NAPA: variants seen among roughly 807,000 people sequenced by gnomAD.
The protein encoded by NAPA is alpha-soluble NSF attachment protein.
A neutral mutation model predicts 48.0 loss-of-function variants in NAPA; 18 were observed. That is an observed-to-expected ratio of 0.38 (90% CI 0.26 to 0.56). The LOEUF (loss-of-function observed/expected upper bound fraction) is 0.56. Ranked by LOEUF, NAPA falls within the 20% of genes least tolerant of loss-of-function variation. NAPA has a pLI of 0.77. For synonymous variants in NAPA, 152 were observed against 149.9 expected, an observed-to-expected ratio of 1.01 and a Z score of -0.10; for missense variants, 315 against 385.0, an observed-to-expected ratio of 0.82 and a Z score of 1.52.
intron 2 of NAPA, among the ~76,000 whole-genome samples, chr19:47,501,251 A>G (rs1327859168): frequency 6.6e-6 from 1 of 152,122 alleles, no homozygotes; most frequent in African/African-American, 2.4e-5. Flanking sequence ...CAGAACCACC[A>G]CTAGAAGGCA....
chr19:47,490,238 TG>T (rs2122723196), intron 9 of NAPA, among the ~76,000 whole-genome samples: 1 of 144,850 alleles, frequency 6.9e-6, no homozygotes, highest in African/African-American at 2.6e-5. Context: ...GTGTGCAGTG[TG>T]TTTTGTGTGT....
chr19:47,514,951 A>C lies in NAPA; in HGVS notation c.-11T>G. On this transcript the variant is annotated 5_prime_UTR_variant, in exon 1 of 11. Coordinates refer to ENST00000263354, the MANE Select transcript of NAPA (RefSeq NM_003827.4). ...CCCGGAATTGTCCATGGCGGCCACAAAGGGACTCAGCAAAGCGCCTGACCC... is the reference window on the plus strand; with the variant it reads ...CCCGGAATTGTCCATGGCGGCCACACAGGGACTCAGCAAAGCGCCTGACCC... The C allele has an allele frequency of 1.2e-6, 2 of 1,613,326 alleles. No individual in the cohort carries two copies. The highest frequency in any genetic ancestry group is 2.2e-5 in the South Asian group (2 of 91,062).
Position 47,492,011 on chromosome 19 carries a change from C to T in NAPA, c.666+4G>A. The T allele has an allele frequency of 6.2e-7, 1 of 1,613,372 alleles. No homozygotes were observed. Among genetic ancestry groups the T allele is most frequent in the Non-Finnish European group, 8.5e-7 (1 of 1,179,470 alleles). On this transcript the variant is annotated splice_donor_region_variant and intron_variant, in intron 8 of 10. Transcript: ENST00000263354. ...GGTGGTCCTGCGGGCGTGGGGTGTGCTACCTTGGCGTTGAGCATGTCGATG... is the reference window on the plus strand; with the variant it reads ...GGTGGTCCTGCGGGCGTGGGGTGTGTTACCTTGGCGTTGAGCATGTCGATG...
At chr19:47,509,268 TAG>T (rs1034970268) in intron 1 of NAPA, among the ~76,000 whole-genome samples, 12 of 148,882 alleles carry the variant, frequency 8.1e-5, no homozygotes, top group Middle Eastern at 3.4e-3. Context: ...ATGGGAATTC[TAG>T]AGAGTTTCTT....
intron 9 of NAPA, 101 bp from the exon 10 acceptor site, chr19:47,489,862 TG>T: frequency 8.0e-7 from 1 of 1,245,176 alleles, no homozygotes; most frequent in Non-Finnish European, 1.1e-6. Flanking sequence ...GGCCTGGGGC[TG>T]GGGCTTCCTG....
chr19:47,500,395 C>A (rs1463797267), intron 3 of NAPA, among the ~76,000 whole-genome samples: 1 of 152,164 alleles, frequency 6.6e-6, no homozygotes, highest in Non-Finnish European at 1.5e-5. Context: ...TCAGCTGCAC[C>A]GACACCACCG....
chr19:47,508,842 T>G (rs1308265754), intron 1 of NAPA, among the ~76,000 whole-genome samples: 2 of 151,948 alleles, frequency 1.3e-5, no homozygotes, highest in Non-Finnish European at 2.9e-5. Flanking sequence ...TCCCAGGGCT[T>G]TGGGAGGCCG....
At position 47,493,200 on chromosome 19, in the gene NAPA, C is replaced by T; in HGVS notation, c.421-26G>A. 6.4e-7 allele frequency: 1 copy of T among 1,567,940 alleles called. No homozygotes were observed. Among genetic ancestry groups the T allele is most frequent in the Non-Finnish European group, 8.7e-7 (1 of 1,153,586 alleles). The stretch of plus-strand genomic sequence containing the variant: ...CTGGGGAGACACGGGGGATGGGTTC[C>T]AGGGGAGGGCAGGGAAGGGAGAGGA... On this transcript the variant is annotated intron_variant, in intron 5 of 10. Transcript: ENST00000263354. The surrounding 1 kb of genome is among the most constrained non-coding windows in gnomAD (Gnocchi z 6.4).
intron 1 of NAPA, among the ~76,000 whole-genome samples, chr19:47,507,561 C>T (rs71363737): frequency 4.6e-5 from 7 of 152,218 alleles, no homozygotes; most frequent in Admixed American, 1.3e-4. Flanking sequence ...GTGGAAGCCA[C>T]AGCCACAGGC....
chr19:47,487,993 A>C lies in NAPA; in HGVS notation c.*295T>G. 4.2e-6 allele frequency: 1 copy of C among 237,190 alleles called. No homozygotes were observed. The allele number at this position is 237,190 out of a possible 1,614,324, so 14.7% of individuals were successfully genotyped here. A position where few individuals can be genotyped will look rare whatever the true frequency, so the allele number is the denominator to read the frequency against. ...ACCCCAAATCCCCGGCAGCACCCCT[A>C]GCAAATAGGTCTGTATCAAAGATTC... On this transcript the variant is annotated 3_prime_UTR_variant, in exon 11 of 11. Transcript: ENST00000263354.
At chr19:47,499,788 T>C (rs1968526504) in intron 3 of NAPA, among the ~76,000 whole-genome samples, 1 of 152,256 alleles carries the variant, frequency 6.6e-6, no homozygotes. Context: ...GGAAGCTCCC[T>C]GCACTGCTGC....
In NAPA at chr19:47,488,322, T is replaced by G. The variant is rs1247594020; in HGVS notation, c.854A>C (p.Lys285Thr). The change falls in exon 11 of 11, where the codon AAG (lysine) becomes ACG (threonine). Residue 285 changes from lysine to threonine, a missense_variant. By Grantham distance (78) the Lys-to-Thr change is moderately conservative. Transcript: ENST00000263354. ...GTCCTCCTCATCGCCCTGGATGGTC[T>G]TCTTGATGCGCAGCAGCATGGTGGT... ...WLTTMLLRIK[K>T]TIQGDEEDLR 3 of 1,613,664 alleles carry G rather than the reference T, an allele frequency of 1.9e-6. No individual in the cohort carries two copies. Among genetic ancestry groups the G allele is most frequent in the East Asian group, 2.2e-5 (1 of 44,860 alleles).
chr19:47,506,671 A>T lies in NAPA; in HGVS notation c.99-3169T>A, dbSNP rs1378004237. 6.6e-6 allele frequency among the ~76,000 whole-genome samples: 1 copy of T among 152,234 alleles called. No individual in the cohort carries two copies. The highest frequency in any genetic ancestry group is 1.5e-5 in the Non-Finnish European group (1 of 68,040). ...TTATTTCAGGACGGACACAAAGCCTACCAGCTGCCCGGGCTGAAACTCTGT... is the reference window on the plus strand; with the variant it reads ...TTATTTCAGGACGGACACAAAGCCTTCCAGCTGCCCGGGCTGAAACTCTGT... On this transcript the variant is annotated intron_variant, in intron 1 of 10. Coordinates refer to ENST00000263354, the MANE Select transcript of NAPA (RefSeq NM_003827.4). This position sits in a 1 kb window ranked among gnomAD's most constrained non-coding sequence, Gnocchi z 4.0.
At chr19:47,485,019 A>G (rs779390910), downstream of NAPA, among the ~76,000 whole-genome samples, 3 of 152,168 alleles carry the variant, frequency 2.0e-5, no homozygotes, top group Non-Finnish European at 2.9e-5. Context: ...TAATCTTAAC[A>G]GTATCACCTT....
chr19:47,484,706 ATTT>A (rs35425298), downstream of NAPA, among the ~76,000 whole-genome samples: 7 of 129,118 alleles, frequency 5.4e-5, no homozygotes, highest in Admixed American at 8.1e-5. Context: ...ACAGTTCACT[ATTT>A]TTTTTTTTTT....
intron 7 of NAPA, 94 bp from the exon 8 acceptor site, chr19:47,492,213 G>C: frequency 8.9e-7 from 1 of 1,124,974 alleles, no homozygotes; most frequent in Non-Finnish European, 1.3e-6. Flanking sequence ...CTGGGAGCTG[G>C]TTCATGTCCC....
intron 9 of NAPA, 64 bp from the exon 10 acceptor site, chr19:47,489,825 A>C: frequency 6.4e-7 from 1 of 1,560,146 alleles, no homozygotes; most frequent in Non-Finnish European, 8.8e-7. Context: ...CCTGGATTAG[A>C]TGAAAGGACA....
At chr19:47,507,236 C>A (rs764085262) in intron 1 of NAPA, among the ~76,000 whole-genome samples, 3 of 152,220 alleles carry the variant, frequency 2.0e-5, no homozygotes, top group Non-Finnish European at 4.4e-5. Context: ...CAGCTTTGCT[C>A]TCTCCCCCTC....
At chr19:47,513,031 C>A (rs772242826) in intron 1 of NAPA, among the ~76,000 whole-genome samples, 3 of 152,212 alleles carry the variant, frequency 2.0e-5, no homozygotes, top group Non-Finnish European at 2.9e-5. Flanking sequence ...GTTCTCTCTA[C>A]AAGCCCACTA....
Sources: gnomAD v4.1 joint callset for allele counts (sites outside exome capture counted in the v4.1 genomes callset) on GRCh38, gnomAD v4.1.1 for gene constraint, Gnocchi (gnomAD v3.1) non-coding constraint, MANE v1.5 for transcripts, NCBI Gene and HGNC (gene_info 2026-07-23, HGNC 2026-07-21) for gene names.